Variants in ARFGEF3 observed in about 807,000 individuals in gnomAD.
ARFGEF3 encodes brefeldin A-inhibited guanine nucleotide-exchange protein 3.
ARFGEF3 carries 96 observed loss-of-function variants against 221.7 expected under a neutral mutation model. The ratio of observed to expected loss-of-function variants is 0.43; its 90% CI spans 0.37 to 0.51. ARFGEF3 has a LOEUF of 0.51. Ranked by LOEUF, ARFGEF3 falls within the 20% of genes least tolerant of loss-of-function variation. The pLI, the probability that ARFGEF3 is intolerant of heterozygous loss-of-function variation, is 0.00. For synonymous variants in ARFGEF3, 1,145 were observed against 1,126.8 expected (o/e 1.02, Z -0.32); for missense variants, 2,410 against 2,789.9 (o/e 0.86, Z 3.07).
chr6:138,206,930 G>A (rs995620512), intron 2 of ARFGEF3, 112 bp from the exon 3 acceptor site: 13 of 725,396 alleles, frequency 1.8e-5, no homozygotes, highest in Non-Finnish European at 2.9e-5. Context: ...ATTGGTTATA[G>A]TTTTTGTGTA....
intron 2 of ARFGEF3, among the ~76,000 whole-genome samples, chr6:138,171,449 G>C (rs1419376436): frequency 6.6e-6 from 1 of 152,134 alleles, no homozygotes; most frequent in Non-Finnish European, 1.5e-5. Context: ...GCTCTGATTG[G>C]CAACCCTGGC....
chr6:138,217,830 A>C, intron 4 of ARFGEF3: 1 of 1,045,508 alleles, frequency 9.6e-7, no homozygotes, highest in Non-Finnish European at 1.3e-6. Context: ...TGTATTTTAG[A>C]ATTGAAATAA....
chr6:138,317,381 T>C lies in ARFGEF3; in HGVS notation c.4474+2T>C, dbSNP rs778227814. On this transcript the variant is annotated splice_donor_variant, in intron 27 of 33. Transcript: ENST00000251691. LOFTEE classifies it high-confidence loss of function. ...TGAGAGATGTGACGAAAACACCAGG[T>C]AAATATTTCTGTGTCCGTCTTTTGG... is the stretch of plus-strand genomic sequence containing the variant. 14 of 1,613,790 alleles carry C rather than the reference T, an allele frequency of 8.7e-6. No homozygotes were observed. The South Asian group carries it at 1.2e-4, about 14-fold the overall frequency.
At chr6:138,180,764 G>A (rs753783764) in intron 2 of ARFGEF3, among the ~76,000 whole-genome samples, 35 of 152,154 alleles carry the variant, frequency 2.3e-4, no homozygotes, top group Non-Finnish European at 4.3e-4. Flanking sequence ...GCAAGGGCTT[G>A]TTCTAGAGGA....
chr6:138,332,520 C>A (rs2114696690), intron 32 of ARFGEF3, among the ~76,000 whole-genome samples: 1 of 152,076 alleles, frequency 6.6e-6, no homozygotes, highest in East Asian at 1.9e-4. Flanking sequence ...AGCTTTTGGG[C>A]CAAGTTGTTA....
chr6:138,274,717 C>T (rs1258671812), intron 12 of ARFGEF3, among the ~76,000 whole-genome samples: 1 of 149,496 alleles, frequency 6.7e-6, no homozygotes, highest in Non-Finnish European at 1.5e-5. Flanking sequence ...ATTGCTTGAA[C>T]CTGGGAGGCA....
rs186729386 is a variant in ARFGEF3 at position 138,341,532 on chromosome 6, T to C, written c.*5046T>C. 3.9e-4 allele frequency: 61 copies of C among 154,436 alleles called. No individual in the cohort carries two copies. Among genetic ancestry groups the C allele is most frequent in the African/African-American group, 1.3e-3 (55 of 41,644 alleles). 9.6% of individuals were successfully genotyped at this position (154,436 alleles called of 1,614,324 possible). On this transcript the variant is annotated 3_prime_UTR_variant, in exon 34 of 34. Coordinates refer to ENST00000251691, the MANE Select transcript of ARFGEF3 (RefSeq NM_020340.5). ...GACCCCAGGGAGATTTAGTGTGGCC[T>C]TAGGAAAGCAAAAGAGCACTTTTTA...
chr6:138,171,562 C>A (rs1411551660), intron 2 of ARFGEF3, among the ~76,000 whole-genome samples: 1 of 152,090 alleles, frequency 6.6e-6, no homozygotes, highest in Non-Finnish European at 1.5e-5. Context: ...TAACTTCCCC[C>A]AACCCTCACT....
intron 4 of ARFGEF3, chr6:138,218,607 T>G: frequency 1.1e-6 from 1 of 892,282 alleles, no homozygotes; most frequent in East Asian, 3.1e-5. Context: ...CCAGAAGAGC[T>G]CTGTAATTAT....
chr6:138,299,195 C>A, intron 22 of ARFGEF3, among the ~76,000 whole-genome samples: 1 of 62,828 alleles, frequency 1.6e-5, no homozygotes, highest in Non-Finnish European at 2.8e-5. Flanking sequence ...GAGCGAGACT[C>A]TGTAAAAAAA....
At chr6:138,324,980 G>A (rs1008143305) in intron 31 of ARFGEF3, among the ~76,000 whole-genome samples, 1 of 152,180 alleles carries the variant, frequency 6.6e-6, no homozygotes, top group Admixed American at 6.5e-5. Context: ...AGTGAAAAAG[G>A]GAAATGGAAT....
chr6:138,321,982 AAG>A (rs1176533952), intron 29 of ARFGEF3, among the ~76,000 whole-genome samples: 5 of 152,172 alleles, frequency 3.3e-5, no homozygotes, highest in Non-Finnish European at 5.9e-5. Flanking sequence ...GTGGCAGGCA[AAG>A]AGAGAGCTTG....
chr6:138,326,790 C>T (rs1780133933), intron 31 of ARFGEF3, among the ~76,000 whole-genome samples: 1 of 152,164 alleles, frequency 6.6e-6, no homozygotes, highest in African/African-American at 2.4e-5. Flanking sequence ...AAATCATTCT[C>T]TTATAAAGAT....
intron 4 of ARFGEF3, among the ~76,000 whole-genome samples, chr6:138,225,695 A>G (rs1778071675): frequency 6.6e-6 from 1 of 152,242 alleles, no homozygotes; most frequent in Non-Finnish European, 1.5e-5. Flanking sequence ...GTGGAGCTGG[A>G]TCAGAAAAAT....
chr6:138,192,622 G>T (rs143885576), intron 2 of ARFGEF3, among the ~76,000 whole-genome samples: 45 of 152,356 alleles, frequency 3.0e-4, no homozygotes, highest in African/African-American at 1.1e-3. Context: ...TGCAGTGATT[G>T]TGGGTTGGGA....
chr6:138,312,906 C>T (rs749560794), intron 25 of ARFGEF3, among the ~76,000 whole-genome samples: 19 of 152,124 alleles, frequency 1.2e-4, no homozygotes, highest in Admixed American at 2.6e-4. Context: ...GACGGGGTTT[C>T]GCCATGTTGT....
intron 2 of ARFGEF3, among the ~76,000 whole-genome samples, chr6:138,203,269 G>C (rs1345740764): frequency 1.3e-5 from 2 of 152,180 alleles, no homozygotes; most frequent in Admixed American, 6.5e-5. Context: ...TTGGTCTTGG[G>C]AGTCAGATGA....
At chr6:138,242,492 G>GT (rs1283031367) in intron 6 of ARFGEF3, among the ~76,000 whole-genome samples, 2 of 152,164 alleles carry the variant, frequency 1.3e-5, no homozygotes, top group Non-Finnish European at 2.9e-5. Context: ...TTGAAGTCCA[G>GT]GAACCTAATC....
In ARFGEF3 at chr6:138,334,725, C is replaced by G; in HGVS notation, c.5879C>G (p.Thr1960Ser). The G allele has an allele frequency of 6.2e-7, 1 of 1,609,376 alleles. No homozygotes were observed. The highest frequency in any genetic ancestry group is 8.5e-7 in the Non-Finnish European group (1 of 1,176,570). Reference sequence around the variant, plus strand: ...ACCGGGGGCTTCTCTGGGAAAGAAACCCCTTCCGAGGATGACAGAAGCCAG... The same window carrying G: ...ACCGGGGGCTTCTCTGGGAAAGAAAGCCCTTCCGAGGATGACAGAAGCCAG... ...PSTGGFSGKE[T>S]PSEDDRSQSR... Residue 1960 changes from threonine (T) to serine (S), a missense_variant, in exon 33 of 34, where the codon ACC (threonine) becomes AGC (serine). This residue lies in a region of ARFGEF3 where 339 missense variants were observed against 334.9 expected (regional missense o/e 1.01). Coordinates refer to ENST00000251691, the MANE Select transcript of ARFGEF3 (RefSeq NM_020340.5). The surrounding 1 kb of genome is among the most constrained non-coding windows in gnomAD (Gnocchi z 5.1).
Sources: gnomAD v4.1 joint callset for allele counts (sites outside exome capture counted in the v4.1 genomes callset) on GRCh38, gnomAD v4.1.1 for gene constraint, gnomAD v4.1.1 regional missense constraint, Gnocchi (gnomAD v3.1) non-coding constraint, MANE v1.5 for transcripts, NCBI Gene and HGNC (gene_info 2026-07-23, HGNC 2026-07-21) for gene names.